The following BAP1 variants were observed in gnomAD, a reference collection of about 807,000 sequenced individuals.
BAP1 encodes BRCA1 associated deubiquitinase 1.
Under a neutral mutation model 77.2 loss-of-function variants are expected in BAP1, and 16 were observed. The observed-to-expected ratio is 0.21, with a 90% CI of 0.14 to 0.31. BAP1 has a LOEUF of 0.31. Among genes scored for constraint, BAP1 ranks in the 10% least tolerant of loss-of-function variants. The probability of loss-of-function intolerance (pLI) is 1.00; values close to 1 mark genes in which losing one functional copy is unlikely to be tolerated. For missense variants in BAP1, 699 were observed against 967.3 expected, an observed-to-expected ratio of 0.72 and a Z score of 3.68; for synonymous variants, 362 against 385.2, an observed-to-expected ratio of 0.94 and a Z score of 0.71.
At position 52,403,394 on chromosome 3, in the gene BAP1, A is replaced by G. The variant is rs745362487; in HGVS notation, c.1729+22T>C. ...TCCCTCCTGGGTGCACCAAGTGGCC[A>G]GTGAGCCAGTCCAAGGCCCACCTGT... On this transcript the variant is annotated intron_variant, in intron 13 of 16. Coordinates refer to ENST00000460680, the MANE Select transcript of BAP1 (RefSeq NM_004656.4). This position sits in a 1 kb window ranked among gnomAD's most constrained non-coding sequence, Gnocchi z 4.0. The G allele has an allele frequency of 3.7e-6, 6 of 1,613,014 alleles. No homozygotes were observed. Among genetic ancestry groups the G allele is most frequent in the Non-Finnish European group, 8.5e-7 (1 of 1,179,684 alleles).
intron 11 of BAP1, among the ~76,000 whole-genome samples, 197 bp from the exon 12 acceptor site, chr3:52,404,783 T>G (rs1182739360): frequency 3.9e-5 from 6 of 152,112 alleles, no homozygotes; most frequent in Admixed American, 6.5e-5. Flanking sequence ...CGGAGGGGTT[T>G]TAAGAGAAAC....
In BAP1 at chr3:52,406,926, A is replaced by G. The variant is rs2153227673; in HGVS notation, c.581-19T>C. 6.4e-7 allele frequency: 1 copy of G among 1,564,934 alleles called. No homozygotes were observed. On this transcript the variant is annotated intron_variant, in intron 7 of 16. Coordinates refer to ENST00000460680, the MANE Select transcript of BAP1 (RefSeq NM_004656.4). This position sits in a 1 kb window ranked among gnomAD's most constrained non-coding sequence, Gnocchi z 4.6. Reference sequence around the variant, plus strand: ...CAGGGCCCTAGTGGAGACCAAGACAAGGAATCAGCGAGAAGGAAACCCTGA... The same window carrying G: ...CAGGGCCCTAGTGGAGACCAAGACAGGGAATCAGCGAGAAGGAAACCCTGA...
rs2153226152 is a variant in BAP1 at position 52,402,557 on chromosome 3, C to T, written c.2056+45G>A. On this transcript the variant is annotated intron_variant, in intron 16 of 16. Coordinates refer to ENST00000460680, the MANE Select transcript of BAP1 (RefSeq NM_004656.4). The surrounding 1 kb of genome is among the most constrained non-coding windows in gnomAD (Gnocchi z 5.3). ...AGGGGAGGGGAGCTGAAGGACACGGCCCTCAGCAGGGCATTCCAGTTAAGA... is the reference window on the plus strand; with the variant it reads ...AGGGGAGGGGAGCTGAAGGACACGGTCCTCAGCAGGGCATTCCAGTTAAGA... 1 of 1,613,238 alleles carries T rather than the reference C, an allele frequency of 6.2e-7. No homozygotes were observed.
rs1455032605 is a variant in BAP1 at position 52,406,791 on chromosome 3, C to T, written c.659+38G>A. On this transcript the variant is annotated intron_variant, in intron 8 of 16. Coordinates refer to ENST00000460680, the MANE Select transcript of BAP1 (RefSeq NM_004656.4). The surrounding 1 kb of genome is among the most constrained non-coding windows in gnomAD (Gnocchi z 4.6). Reference sequence around the variant, plus strand: ...TCTGTCCCTCCCAAAGTAGGTACAGCTCCAGAGAGTAGAACAGGGCAGGCA... The same window carrying T: ...TCTGTCCCTCCCAAAGTAGGTACAGTTCCAGAGAGTAGAACAGGGCAGGCA... The T allele has an allele frequency of 6.5e-7, 1 of 1,547,650 alleles. No individual in the cohort carries two copies. Among genetic ancestry groups the T allele is most frequent in the East Asian group, 2.4e-5 (1 of 40,940 alleles).
chr3:52,407,328 C>G lies in BAP1; in HGVS notation c.438-12G>C, dbSNP rs142131779. 3.7e-6 allele frequency: 6 copies of G among 1,614,192 alleles called. No homozygotes were observed. Among genetic ancestry groups the G allele is most frequent in the African/African-American group, 2.7e-5 (2 of 75,044 alleles). ...GGCGTGGCTCGGGCCTGGGGAAAAA[C>G]AGAGTCAGGGCCCAAAAAATGATAC... On this transcript the variant is annotated splice_polypyrimidine_tract_variant and intron_variant, in intron 6 of 16. Transcript: ENST00000460680.
rs755179471 is a variant in BAP1 at position 52,408,023 on chromosome 3, TGCA to T, written c.307_309del (p.Cys103del). 1.2e-6 allele frequency: 2 copies of T among 1,613,776 alleles called. No homozygotes were observed. Among genetic ancestry groups the T allele is most frequent in the Non-Finnish European group, 1.7e-6 (2 of 1,179,880 alleles). On this transcript the variant is annotated inframe_deletion, in exon 5 of 17. Coordinates refer to ENST00000460680, the MANE Select transcript of BAP1 (RefSeq NM_004656.4). ...AGGGTGGGTCCCAGGTCCACGCTGC[TGCA>T]GTTCAGGAGCACGCTCAGCAAGGCA...
In BAP1 at chr3:52,405,818, G is replaced by A. The variant is rs777664260; in HGVS notation, c.878C>T (p.Pro293Leu). 5.3e-5 allele frequency: 86 copies of A among 1,613,876 alleles called. 1 individual carries two copies. The highest frequency in any genetic ancestry group is 2.0e-4 in the East Asian group (9 of 44,898). The change falls in exon 10 of 17, where the codon CCG (proline) becomes CTG (leucine). Residue 293 changes from proline to leucine, a missense_variant. Around this residue, in one of 3 missense-constraint regions of BAP1, gnomAD observed 475 missense variants for 532.4 expected, o/e 0.89. Coordinates refer to ENST00000460680, the MANE Select transcript of BAP1 (RefSeq NM_004656.4). Reference protein sequence around the residue: ...EESKSASNKSPLVLEANRAPA... With the variant: ...EESKSASNKSLLVLEANRAPA... ...GGCCCTGTTTGCTTCCAGCACCAGC[G>A]GGGACTTGTTGCTGGCTGACTTGGA...
chr3:52,404,332 G>A, intron 12 of BAP1, 121 bp downstream of exon 12: 1 of 1,544,478 alleles, frequency 6.5e-7, no homozygotes, highest in Non-Finnish European at 8.9e-7. Context: ...CTCCCCCAGG[G>A]CCCCAAACTC....
In BAP1 at chr3:52,403,593, G is replaced by C; in HGVS notation, c.1552C>G (p.Arg518Gly). 6.2e-7 allele frequency: 1 copy of C among 1,614,144 alleles called. No homozygotes were observed. Among genetic ancestry groups the C allele is most frequent in the South Asian group, 1.1e-5 (1 of 91,072 alleles). ...TGGGAGGTGACAGGGCTGGAGGGCC[G>C]CGTCGGGTTGGCTGAGCGGATAGGC... ...RSPIRSANPTRPSSPVTSHIS... is the reference protein window; with the variant it reads ...RSPIRSANPTGPSSPVTSHIS... The change falls in exon 13 of 17, where the codon CGG becomes GGG. Residue 518 changes from arginine to glycine, a missense_variant. Transcript: ENST00000460680. The surrounding 1 kb of genome is among the most constrained non-coding windows in gnomAD (Gnocchi z 4.0).
At chr3:52,408,668 T>C in intron 3 of BAP1, 62 bp from the exon 4 acceptor site, 1 of 1,555,248 alleles carries the variant, frequency 6.4e-7, no homozygotes, top group Non-Finnish European at 8.8e-7. Context: ...AGCATTCCCT[T>C]CTTTCTCCCA....
rs1350053600 is a variant in BAP1 at position 52,409,538 on chromosome 3, G to A, written c.122+16C>T. On this transcript the variant is annotated intron_variant, in intron 3 of 16. Coordinates refer to ENST00000460680, the MANE Select transcript of BAP1 (RefSeq NM_004656.4). Reference sequence around the variant, plus strand: ...ACTCTGGGTGTAAGGGGCAGCCCTGGTGTACAGCCACTCACCCCTGACATT... The same window carrying A: ...ACTCTGGGTGTAAGGGGCAGCCCTGATGTACAGCCACTCACCCCTGACATT... 6.2e-7 allele frequency: 1 copy of A among 1,614,072 alleles called. No homozygotes were observed. The highest frequency in any genetic ancestry group is 1.7e-5 in the Admixed American group (1 of 60,020).
rs1705149452 is a variant in BAP1 at position 52,406,164 on chromosome 3, C to A, written c.783+89G>T. ...GCCCAGATCTACAAGAGAGTATGTT[C>A]ACGAATCAGAGACAAATGCTGTGGG... is the stretch of plus-strand genomic sequence containing the variant. On this transcript the variant is annotated intron_variant, in intron 9 of 16. Transcript: ENST00000460680. The surrounding 1 kb of genome is among the most constrained non-coding windows in gnomAD (Gnocchi z 4.6). The A allele has an allele frequency of 1.2e-6, 2 of 1,604,526 alleles. No individual in the cohort carries two copies. Among genetic ancestry groups the A allele is most frequent in the Admixed American group, 3.3e-5 (2 of 59,972 alleles).
In BAP1 at chr3:52,402,730, C is replaced by G. The variant is rs2153226257; in HGVS notation, c.1983+49G>C. 1 of 1,614,124 alleles carries G rather than the reference C, an allele frequency of 6.2e-7. No homozygotes were observed. The highest frequency in any genetic ancestry group is 8.5e-7 in the Non-Finnish European group (1 of 1,179,954). On this transcript the variant is annotated intron_variant, in intron 15 of 16. Coordinates refer to ENST00000460680, the MANE Select transcript of BAP1 (RefSeq NM_004656.4). This position sits in a 1 kb window ranked among gnomAD's most constrained non-coding sequence, Gnocchi z 5.3. ...GAGCCAATCTTGCCAGAGCAGCCAC[C>G]AGTGGACCTCGGGAGAGGCCAGATC...
Position 52,402,200 on chromosome 3 carries a change from A to C in BAP1, c.*88T>G. 6.5e-7 allele frequency: 1 copy of C among 1,540,960 alleles called. No homozygotes were observed. Among genetic ancestry groups the C allele is most frequent in the African/African-American group, 1.4e-5 (1 of 73,840 alleles). ...ACTCTCCAGCTGGGACTATTCAGTA[A>C]TACTGGGAAAAGGGGAAGTGGGGCA... On this transcript the variant is annotated 3_prime_UTR_variant, in exon 17 of 17. Coordinates refer to ENST00000460680, the MANE Select transcript of BAP1 (RefSeq NM_004656.4). This position sits in a 1 kb window ranked among gnomAD's most constrained non-coding sequence, Gnocchi z 5.3.
Position 52,403,356 on chromosome 3 carries a change from G to A in BAP1, c.1730-58C>T, listed in dbSNP as rs1250251979. On this transcript the variant is annotated intron_variant, in intron 13 of 16. Transcript: ENST00000460680. The surrounding 1 kb of genome is among the most constrained non-coding windows in gnomAD (Gnocchi z 4.0). Reference sequence around the variant, plus strand: ...GTGCAGGACACTTTGTGGTCACTTGGCCACTTCCCTCCTCCCTCCTGGGTG... The same window carrying A: ...GTGCAGGACACTTTGTGGTCACTTGACCACTTCCCTCCTCCCTCCTGGGTG... The A allele has an allele frequency of 3.1e-6, 5 of 1,611,846 alleles. No homozygotes were observed. In the Admixed American group the frequency reaches 8.3e-5, roughly 27 times the overall value.
rs2153228505 is a variant in BAP1, at chr3:52,409,550, T to C, written c.122+4A>G. ...AGGGGCAGCCCTGGTGTACAGCCAC[T>C]CACCCCTGACATTTGCTCTGAAGGT... On this transcript the variant is annotated splice_donor_region_variant and intron_variant, in intron 3 of 16. Coordinates refer to ENST00000460680, the MANE Select transcript of BAP1 (RefSeq NM_004656.4). 6.2e-7 allele frequency: 1 copy of C among 1,614,144 alleles called. No homozygotes were observed. The highest frequency in any genetic ancestry group is 8.5e-7 in the Non-Finnish European group (1 of 1,180,006).
Position 52,408,090 on chromosome 3 carries a change from G to A in BAP1, c.256-13C>T, listed in dbSNP as rs2153228168. ...AGTTGGGTATCAGCTGTGAAACCAA[G>A]AATAGTCACCCATACACAGCACCCC... On this transcript the variant is annotated splice_polypyrimidine_tract_variant and intron_variant, in intron 4 of 16. Coordinates refer to ENST00000460680, the MANE Select transcript of BAP1 (RefSeq NM_004656.4). The A allele has an allele frequency of 6.3e-7, 1 of 1,596,154 alleles. No homozygotes were observed. The highest frequency in any genetic ancestry group is 8.5e-7 in the Non-Finnish European group (1 of 1,170,212).
rs2153227659 is a variant in BAP1, at chr3:52,406,894, C to T, written c.594G>A (p.Glu198=). Residue 198 remains glutamate, a synonymous_variant, in exon 8 of 17, where the codon GAG becomes GAA. Transcript: ENST00000460680. The surrounding 1 kb of genome is among the most constrained non-coding windows in gnomAD (Gnocchi z 4.6). ...GGGCCTTGTCTGTCCACTCCTCGTC[C>T]TCCCCCCAGGGCCCTAGTGGAGACC... The part of the protein sequence containing the change: ...VYPIDHGPWG[E]DEEWTDKARR... 1 of 1,571,432 alleles carries T rather than the reference C, an allele frequency of 6.4e-7. No individual in the cohort carries two copies. Among genetic ancestry groups the T allele is most frequent in the Non-Finnish European group, 8.6e-7 (1 of 1,157,382 alleles).
rs1705014556 is a variant in BAP1 at position 52,402,955 on chromosome 3, G to A, written c.1891-84C>T. 1 of 1,607,652 alleles carries A rather than the reference G, an allele frequency of 6.2e-7. No individual in the cohort carries two copies. Among genetic ancestry groups the A allele is most frequent in the Non-Finnish European group, 8.5e-7 (1 of 1,179,554 alleles). ...GCAATAGGCAGCTAGAGGCAAGGATGAGCAGCGAGTCCATGCCTATCAAGG... is the reference window on the plus strand; with the variant it reads ...GCAATAGGCAGCTAGAGGCAAGGATAAGCAGCGAGTCCATGCCTATCAAGG... On this transcript the variant is annotated intron_variant, in intron 14 of 16. Transcript: ENST00000460680. This position sits in a 1 kb window ranked among gnomAD's most constrained non-coding sequence, Gnocchi z 5.3.
Sources: gnomAD v4.1 joint callset for allele counts (sites outside exome capture counted in the v4.1 genomes callset) on GRCh38, gnomAD v4.1.1 for gene constraint, gnomAD v4.1.1 regional missense constraint, Gnocchi (gnomAD v3.1) non-coding constraint, MANE v1.5 for transcripts, NCBI Gene and HGNC (gene_info 2026-07-23, HGNC 2026-07-21) for gene names.